MYT1L: variants seen among roughly 807,000 people sequenced by gnomAD.
MYT1L encodes the protein myelin transcription factor 1 like.
Under a neutral mutation model 126.7 loss-of-function variants are expected in MYT1L, and 12 were observed. The ratio of observed to expected loss-of-function variants is 0.09; its 90% CI spans 0.06 to 0.15. MYT1L has a LOEUF of 0.15. Among genes scored for constraint, MYT1L ranks in the 10% least tolerant of loss-of-function variants. The pLI, the probability that MYT1L is intolerant of heterozygous loss-of-function variation, is 1.00. For synonymous variants in MYT1L, 541 were observed against 604.2 expected (o/e 0.90, Z 1.53); for missense variants, 979 against 1,585.2 (o/e 0.62, Z 6.49).
chr2:2,295,549 G>GAGAGACAGACAGACAGAGAGAGAGAT (rs1559582874), intron 1 of MYT1L, among the ~76,000 whole-genome samples: 10 of 45,404 alleles, frequency 2.2e-4, no homozygotes, highest in South Asian at 7.5e-4. Context: ...GAGAGAGAGA[G>GAGAGACAGACAGACAGAGAGAGAGAT]AGAGAGACAG....
At chr2:1,818,999 A>G (rs2038119693) in intron 21 of MYT1L, among the ~76,000 whole-genome samples, 1 of 151,916 alleles carries the variant, frequency 6.6e-6, no homozygotes, top group Non-Finnish European at 1.5e-5. Flanking sequence ...GATGGCCCCC[A>G]GCTCCCAGCT....
chr2:1,953,686 G>C (rs933393799), intron 8 of MYT1L, among the ~76,000 whole-genome samples: 1 of 152,218 alleles, frequency 6.6e-6, no homozygotes, highest in Non-Finnish European at 1.5e-5. Context: ...GAAGCAAAGG[G>C]GTGGGTGTTC....
intron 5 of MYT1L, among the ~76,000 whole-genome samples, chr2:1,991,752 T>A (rs2061471797): frequency 6.6e-6 from 1 of 152,142 alleles, no homozygotes; most frequent in Admixed American, 6.5e-5. Flanking sequence ...CTGTTGGCTA[T>A]CACTTTTAAC....
chr2:2,172,694 C>T (rs749015377), intron 3 of MYT1L, among the ~76,000 whole-genome samples, 178 bp downstream of exon 3: 6 of 151,096 alleles, frequency 4.0e-5, no homozygotes, highest in Non-Finnish European at 7.4e-5. Flanking sequence ...CCAGGAGCCC[C>T]GTGCTGGGCA....
chr2:1,797,708 T>C (rs538699513), intron 23 of MYT1L, among the ~76,000 whole-genome samples: 205 of 152,370 alleles, frequency 1.3e-3, no homozygotes, highest in African/African-American at 4.8e-3. Flanking sequence ...TTAAATAAAA[T>C]TGCGTTTGTC....
chr2:2,158,343 G>T (rs759606396), intron 3 of MYT1L, among the ~76,000 whole-genome samples: 3 of 152,140 alleles, frequency 2.0e-5, no homozygotes, highest in Admixed American at 1.3e-4. Context: ...GCAGACTCCC[G>T]GGGAGCTGTG....
chr2:1,800,302 G>T (rs541674772), intron 23 of MYT1L: 25 of 152,444 alleles, frequency 1.6e-4, no homozygotes, highest in African/African-American at 4.8e-4. Context: ...CTAACGTTCA[G>T]GTAAGTCTTA....
At chr2:2,088,553 G>C (rs1399639074) in intron 3 of MYT1L, among the ~76,000 whole-genome samples, 3 of 152,096 alleles carry the variant, frequency 2.0e-5, no homozygotes, top group African/African-American at 7.2e-5. Flanking sequence ...GGATGAGGCT[G>C]ATGGAGCCTG....
intron 1 of MYT1L, chr2:2,325,969 C>A (rs2149728231): frequency 6.6e-6 from 1 of 152,370 alleles, no homozygotes; most frequent in Non-Finnish European, 1.5e-5. Flanking sequence ...CTGGGAGCTG[C>A]AACCACCAGG....
At chr2:1,877,927 G>A (rs2047122499) in intron 18 of MYT1L, among the ~76,000 whole-genome samples, 1 of 152,202 alleles carries the variant, frequency 6.6e-6, no homozygotes, top group Admixed American at 6.5e-5. Context: ...TAATGCATCA[G>A]CAAGCTTGGG....
At chr2:2,191,015 C>T (rs190269661) in intron 2 of MYT1L, among the ~76,000 whole-genome samples, 262 of 152,324 alleles carry the variant, frequency 1.7e-3, no homozygotes, top group South Asian at 3.5e-3. Context: ...AAACTCCCAA[C>T]CTCAGGTGAT....
rs1397773973 is a variant in MYT1L, at chr2:2,021,872, G to A, written c.-157-24525C>T. Among the ~76,000 whole-genome samples the A allele has an allele frequency of 3.3e-5, 5 of 152,126 alleles. No homozygotes were observed. In the East Asian group the frequency reaches 9.6e-4, roughly 29 times the overall value. The stretch of plus-strand genomic sequence containing the variant: ...AGATCGTGCCACTGCACTCCAGCCT[G>A]GGCAACAGAGCGAGACTCCATCTCA... On this transcript the variant is annotated intron_variant, in intron 4 of 24. Transcript: ENST00000647738.
chr2:2,134,021 C>T (rs372326412), intron 3 of MYT1L, among the ~76,000 whole-genome samples: 1 of 152,176 alleles, frequency 6.6e-6, no homozygotes, highest in East Asian at 1.9e-4. Flanking sequence ...TCTTCTAGTC[C>T]CTTGTTCCAA....
Position 2,082,347 on chromosome 2 carries a change from A to G in MYT1L, c.-303-28224T>C, listed in dbSNP as rs182170825. On this transcript the variant is annotated intron_variant, in intron 3 of 24. Coordinates refer to ENST00000647738, the MANE Select transcript of MYT1L (RefSeq NM_001303052.2). ...TGAAGTTATGGAGAACTTTAGTACC[A>G]TAAAAGTTAAGTCAAATTCATGTGT... is the stretch of plus-strand genomic sequence containing the variant. Among the ~76,000 whole-genome samples the G allele has an allele frequency of 1.2e-3, 176 of 152,334 alleles. 1 individual carries two copies. Among genetic ancestry groups the G allele is most frequent in the African/African-American group, 3.9e-3 (164 of 41,582 alleles).
intron 18 of MYT1L, among the ~76,000 whole-genome samples, chr2:1,878,470 C>A (rs2047188429): frequency 1.3e-5 from 2 of 152,152 alleles, no homozygotes; most frequent in Non-Finnish European, 2.9e-5. Flanking sequence ...AAGATAATTT[C>A]TCTTGTTCTT....
intron 18 of MYT1L, among the ~76,000 whole-genome samples, chr2:1,882,124 T>A (rs1023906232): frequency 6.6e-6 from 1 of 152,178 alleles, no homozygotes; most frequent in African/African-American, 2.4e-5. Context: ...AGAAGCATTT[T>A]GTCCATTGTC....
chr2:2,070,958 G>T (rs2150230890), intron 3 of MYT1L, among the ~76,000 whole-genome samples: 1 of 152,234 alleles, frequency 6.6e-6, no homozygotes. Flanking sequence ...ACCTTAGAAA[G>T]AATGAAGTGA....
chr2:2,187,156 G>C (rs2092270849), intron 2 of MYT1L, among the ~76,000 whole-genome samples: 1 of 152,018 alleles, frequency 6.6e-6, no homozygotes, highest in South Asian at 2.1e-4. Context: ...TCTTATATTT[G>C]GTCGTGGGCT....
chr2:2,075,383 T>C (rs1403445895), intron 3 of MYT1L, among the ~76,000 whole-genome samples: 1 of 152,224 alleles, frequency 6.6e-6, no homozygotes, highest in Non-Finnish European at 1.5e-5. Flanking sequence ...ACCATGTGCA[T>C]GTCTTCCAGC....
Sources: allele counts gnomAD v4.1 joint callset (sites outside exome capture counted in the v4.1 genomes callset), GRCh38; gene constraint gnomAD v4.1.1; transcripts MANE v1.5; gene names NCBI Gene and HGNC (gene_info 2026-07-23, HGNC 2026-07-21).